The following PRELID2 variants were observed in gnomAD, a reference collection of about 807,000 sequenced individuals.
The protein encoded by PRELID2 is PRELI domain containing 2.
Under a neutral mutation model 28.4 loss-of-function variants are expected in PRELID2, and 25 were observed. The observed-to-expected ratio is 0.88, with a 90% CI of 0.64 to 1.23. The LOEUF (loss-of-function observed/expected upper bound fraction) is 1.23. Ranked by LOEUF, PRELID2 falls within the 50% of genes most tolerant of loss-of-function variation. PRELID2 has a pLI of 0.00. For synonymous variants in PRELID2, 76 were observed against 71.6 expected (o/e 1.06, Z -0.31); for missense variants, 201 against 214.4 (o/e 0.94, Z 0.39).
At chr5:145,370,770 G>A in the PRELID2 span, among the ~76,000 whole-genome samples, 14 of 151,612 alleles carry the variant, frequency 9.2e-5, no homozygotes, top group Admixed American at 2.6e-4. Flanking sequence ...ATGTTTTCTC[G>A]TTTGTTTCCT....
chr5:145,355,673 T>A, the PRELID2 span, among the ~76,000 whole-genome samples: 1 of 152,124 alleles, frequency 6.6e-6, no homozygotes, highest in African/African-American at 2.4e-5. Flanking sequence ...GAGTTCAGCA[T>A]AAAGGCAGAG....
the PRELID2 span, among the ~76,000 whole-genome samples, chr5:145,310,626 C>A: frequency 6.6e-6 from 1 of 152,176 alleles, no homozygotes; most frequent in Non-Finnish European, 1.5e-5. Flanking sequence ...CCCTCTGGCT[C>A]CATCAGTTGG....
At chr5:145,450,674 T>C in the PRELID2 span, 1 of 152,210 alleles carries the variant, frequency 6.6e-6, no homozygotes, top group Non-Finnish European at 1.5e-5. Context: ...CCAGACTGGA[T>C]TCTGTCAAAG....
chr5:145,396,435 G>A, the PRELID2 span, among the ~76,000 whole-genome samples: 1 of 149,214 alleles, frequency 6.7e-6, no homozygotes, highest in Non-Finnish European at 1.5e-5. Context: ...GTGAACCAAA[G>A]GTGTCCCAAA....
At chr5:145,496,375 C>T (rs561268779) in intron 1 of PRELID2, among the ~76,000 whole-genome samples, 4 of 152,054 alleles carry the variant, frequency 2.6e-5, no homozygotes, top group Non-Finnish European at 5.9e-5. Flanking sequence ...CAAATATATA[C>T]ATAACATTGA....
chr5:145,299,002 T>C, the PRELID2 span, among the ~76,000 whole-genome samples: 2 of 152,118 alleles, frequency 1.3e-5, no homozygotes, highest in African/African-American at 4.8e-5. Context: ...TTAATACATA[T>C]TGCATTTTGC....
intron 1 of PRELID2, among the ~76,000 whole-genome samples, chr5:145,719,323 T>A (rs1755925070): frequency 6.6e-6 from 1 of 151,774 alleles, no homozygotes; most frequent in African/African-American, 2.4e-5. Flanking sequence ...GGCTTTAAGA[T>A]GTGTAGGACT....
intron 1 of PRELID2, among the ~76,000 whole-genome samples, chr5:145,565,273 T>C (rs1438838324): frequency 6.6e-6 from 1 of 152,248 alleles, no homozygotes; most frequent in East Asian, 1.9e-4. Flanking sequence ...CTGCTCCATT[T>C]GCCAGTGGCG....
At chr5:145,603,454 T>C (rs1753427995) in intron 1 of PRELID2, among the ~76,000 whole-genome samples, 1 of 152,152 alleles carries the variant, frequency 6.6e-6, no homozygotes, top group Non-Finnish European at 1.5e-5. Context: ...CCTAAAATGT[T>C]CTACCAAGTG....
chr5:145,826,233 T>G, intron 1 of PRELID2: 11 of 946,916 alleles, frequency 1.2e-5, no homozygotes, highest in Non-Finnish European at 1.4e-5. Context: ...GTATTTCTGC[T>G]ATAAATATAA....
intron 1 of PRELID2, among the ~76,000 whole-genome samples, chr5:145,552,056 A>G (rs576846489): frequency 1.2e-4 from 18 of 152,270 alleles, no homozygotes; most frequent in South Asian, 2.1e-4. Context: ...AGAATATCCA[A>G]TTGAGCTCCC....
At chr5:145,789,809 A>AC (rs36084244) in intron 5 of PRELID2, among the ~76,000 whole-genome samples, 5 of 152,164 alleles carry the variant, frequency 3.3e-5, no homozygotes, top group Non-Finnish European at 5.9e-5. Context: ...AAAACAAATA[A>AC]CCCAATTAAG....
At chr5:145,616,570 C>T (rs1411102559) in intron 1 of PRELID2, among the ~76,000 whole-genome samples, 4 of 151,990 alleles carry the variant, frequency 2.6e-5, no homozygotes, top group Non-Finnish European at 5.9e-5. Context: ...TTCTGTGATG[C>T]CCCCCAAGCC....
intron 1 of PRELID2, among the ~76,000 whole-genome samples, chr5:145,687,213 T>TG (rs935000131): frequency 6.6e-6 from 1 of 152,294 alleles, no homozygotes; most frequent in Non-Finnish European, 1.5e-5. Flanking sequence ...GATGAAACTA[T>TG]GGGGGGTCTT....
intron 1 of PRELID2, among the ~76,000 whole-genome samples, chr5:145,576,665 T>C (rs1038900879): frequency 4.0e-5 from 5 of 125,542 alleles, no homozygotes; most frequent in Admixed American, 3.5e-4. Context: ...TACATGGTTA[T>C]AGCACAATAG....
chr5:145,515,437 A>C (rs1288654426), intron 1 of PRELID2, among the ~76,000 whole-genome samples: 1 of 152,178 alleles, frequency 6.6e-6, no homozygotes, highest in Non-Finnish European at 1.5e-5. Context: ...CCCAAGACTA[A>C]ACCAGGAAAA....
chr5:145,411,984 G>A, the PRELID2 span, among the ~76,000 whole-genome samples: 1 of 152,190 alleles, frequency 6.6e-6, no homozygotes, highest in Non-Finnish European at 1.5e-5. Context: ...CAGCTGGGAT[G>A]CAGGGTACCA....
At chr5:145,515,342 A>G (rs1752505990) in intron 1 of PRELID2, among the ~76,000 whole-genome samples, 1 of 152,222 alleles carries the variant, frequency 6.6e-6, no homozygotes, top group South Asian at 2.1e-4. Flanking sequence ...ACAGAAATAC[A>G]AACTGCCATC....
At chr5:145,375,579 G>A in the PRELID2 span, among the ~76,000 whole-genome samples, 1 of 152,156 alleles carries the variant, frequency 6.6e-6, no homozygotes, top group Admixed American at 6.5e-5. Flanking sequence ...AGGAGGAAAG[G>A]CGAAGTCTGC....
Sources: allele counts gnomAD v4.1 joint callset (sites outside exome capture counted in the v4.1 genomes callset), GRCh38; gene constraint gnomAD v4.1.1; transcripts MANE v1.5; gene names NCBI Gene and HGNC (gene_info 2026-07-23, HGNC 2026-07-21).